Variants in MAML3 observed in about 807,000 individuals in gnomAD.
MAML3 encodes the protein mastermind-like protein 3.
In MAML3, 27 loss-of-function variants were observed where a neutral mutation model predicts 101.9. The observed-to-expected ratio is 0.27, with a 90% CI of 0.20 to 0.37. The LOEUF (loss-of-function observed/expected upper bound fraction) is 0.37, where lower values mean the gene tolerates loss of function less well. Among genes scored for constraint, MAML3 ranks in the 10% least tolerant of loss-of-function variants. The pLI is 1.00. For synonymous variants in MAML3, 501 were observed against 555.9 expected (o/e 0.90, Z 1.39); for missense variants, 1,316 against 1,444.9 (o/e 0.91, Z 1.45).
rs56928318 is a variant in MAML3 at position 139,864,923 on chromosome 4, C to CTTGTTTTTTTTT, written c.2079+24433_2079+24434insAAAAAAAAACAA. The stretch of plus-strand genomic sequence containing the variant: ...TTAGGAAAATAGTAATGCAAACTTG[C>CTTGTTTTTTTTT]TTTTTTTTTTTTTTTTTTTTTTTTT... On this transcript the variant is annotated intron_variant, in intron 2 of 4. Transcript: ENST00000509479. Among the ~76,000 whole-genome samples, 38 of 62,466 alleles carry CTTGTTTTTTTTT rather than the reference C, an allele frequency of 6.1e-4. 12 individuals carry two copies. Among genetic ancestry groups the CTTGTTTTTTTTT allele is most frequent in the African/African-American group, 1.3e-3 (23 of 17,070 alleles). The allele number at this position is 62,466 out of a possible 152,430, so 41.0% of individuals were successfully genotyped here.
intron 1 of MAML3, among the ~76,000 whole-genome samples, chr4:140,075,434 G>A (rs1013271735): frequency 1.3e-5 from 2 of 152,160 alleles, no homozygotes; most frequent in African/African-American, 4.8e-5. Flanking sequence ...CAATTAATGA[G>A]TTCGCTAACC....
In MAML3 at chr4:139,962,033, G is replaced by A. The variant is rs562717736; in HGVS notation, c.469-71066C>T. ...TGAGAGGCTGGAGGCTCAGGTGGGA[G>A]GATTGCTTGAGCCCAGGAGGTCAAG... On this transcript the variant is annotated intron_variant, in intron 1 of 4. Transcript: ENST00000509479. Among the ~76,000 whole-genome samples, 81 of 152,226 alleles carry A rather than the reference G, an allele frequency of 5.3e-4. 1 individual carries two copies. The East Asian group carries it at 0.014, about 27-fold the overall frequency.
chr4:139,796,883 C>A (rs1730520317), intron 2 of MAML3, among the ~76,000 whole-genome samples: 1 of 152,134 alleles, frequency 6.6e-6, no homozygotes, highest in African/African-American at 2.4e-5. Flanking sequence ...AACAAAGACC[C>A]AGTAGTTAGG....
At chr4:140,137,056 T>C (rs1728900773) in intron 1 of MAML3, among the ~76,000 whole-genome samples, 1 of 152,282 alleles carries the variant, frequency 6.6e-6, no homozygotes, top group Admixed American at 6.5e-5. Flanking sequence ...TGGCGCTATC[T>C]CGGCTCACTG....
intron 1 of MAML3, among the ~76,000 whole-genome samples, chr4:140,002,932 G>A (rs1234726762): frequency 6.6e-6 from 1 of 152,218 alleles, no homozygotes; most frequent in East Asian, 1.9e-4. Flanking sequence ...GGCAGGGTCT[G>A]TTGGAACCAT....
At chr4:139,722,079 G>T (rs1445043197) in intron 4 of MAML3, among the ~76,000 whole-genome samples, 1 of 152,116 alleles carries the variant, frequency 6.6e-6, no homozygotes, top group Non-Finnish European at 1.5e-5. Context: ...TGGCCATTTT[G>T]GGGTATATTT....
chr4:140,044,747 G>T (rs752432452), intron 1 of MAML3, among the ~76,000 whole-genome samples: 1 of 152,144 alleles, frequency 6.6e-6, no homozygotes, highest in Non-Finnish European at 1.5e-5. Context: ...GTGAACTGAC[G>T]TCAAACTGTC....
chr4:139,933,624 G>A (rs1249855316), intron 1 of MAML3, among the ~76,000 whole-genome samples: 5 of 152,162 alleles, frequency 3.3e-5, no homozygotes, highest in East Asian at 3.8e-4. Context: ...GGGCGGCTAC[G>A]CTGTTTGGGC....
At chr4:139,922,444 C>T (rs1228571088) in intron 1 of MAML3, among the ~76,000 whole-genome samples, 1 of 130,650 alleles carries the variant, frequency 7.7e-6, no homozygotes, top group African/African-American at 2.6e-5. Context: ...TCAGAGAGAA[C>T]GGTGGGTCCC....
At chr4:140,145,955 C>T (rs565810084) in intron 1 of MAML3, among the ~76,000 whole-genome samples, 33 of 143,856 alleles carry the variant, frequency 2.3e-4, no homozygotes, top group Non-Finnish European at 3.3e-4. Flanking sequence ...CTCACTGCAA[C>T]CTCCACCTCC....
At chr4:139,788,894 A>G (rs1266305696) in intron 2 of MAML3, among the ~76,000 whole-genome samples, 1 of 152,230 alleles carries the variant, frequency 6.6e-6, no homozygotes, top group African/African-American at 2.4e-5. Flanking sequence ...TGGAGCTGCC[A>G]GAGTAGCCCT....
chr4:140,133,391 A>G (rs1240482565), intron 1 of MAML3, among the ~76,000 whole-genome samples: 1 of 152,188 alleles, frequency 6.6e-6, no homozygotes, highest in Admixed American at 6.5e-5. Flanking sequence ...ACTACATAGT[A>G]TATAATTACA....
chr4:140,033,918 G>A (rs896850135), intron 1 of MAML3, among the ~76,000 whole-genome samples: 1 of 152,124 alleles, frequency 6.6e-6, no homozygotes, highest in Non-Finnish European at 1.5e-5. Flanking sequence ...AAAAGAATGT[G>A]CCCACCTTTG....
chr4:139,961,968 T>C (rs1734022648), intron 1 of MAML3, among the ~76,000 whole-genome samples: 1 of 151,848 alleles, frequency 6.6e-6, no homozygotes, highest in African/African-American at 2.4e-5. Context: ...TACAAAAAAT[T>C]AGGTGGGCAT....
chr4:139,996,971 C>T (rs777847669), intron 1 of MAML3, among the ~76,000 whole-genome samples: 3 of 151,780 alleles, frequency 2.0e-5, no homozygotes, highest in Non-Finnish European at 4.4e-5. Flanking sequence ...GCAGGAGAAT[C>T]GCTTGAACCA....
chr4:139,780,134 G>A (rs1323080501), intron 2 of MAML3, among the ~76,000 whole-genome samples: 2 of 152,144 alleles, frequency 1.3e-5, no homozygotes, highest in African/African-American at 2.4e-5. Context: ...TTCTGCAGGC[G>A]TGTCAGCCAC....
rs368146044 is a variant in MAML3, at chr4:139,720,237, T to G, written c.2503A>C (p.Met835Leu). The G allele has an allele frequency of 3.7e-6, 6 of 1,609,858 alleles. No homozygotes were observed. The highest frequency in any genetic ancestry group is 1.1e-5 in the South Asian group (1 of 90,646). ...TSRLMAQNAG[M>L]MGIGPSQNPG... ...TTCTGGGAGGGTCCTATTCCCATCA[T>G]GCCTGCGTTCTGTGCCATCAGCCGT... Residue 835 changes from methionine to leucine, a missense_variant, in exon 5 of 5, where the codon ATG becomes CTG. Met to Leu is a conservative substitution (Grantham distance 15). Transcript: ENST00000509479.
chr4:139,987,822 C>A (rs1734577550), intron 1 of MAML3, among the ~76,000 whole-genome samples: 1 of 151,764 alleles, frequency 6.6e-6, no homozygotes, highest in South Asian at 2.1e-4. Flanking sequence ...GAGTTCGAGA[C>A]CAGCCTAGCC....
At chr4:139,946,585 T>C (rs1362406829) in intron 1 of MAML3, among the ~76,000 whole-genome samples, 1 of 152,176 alleles carries the variant, frequency 6.6e-6, no homozygotes, top group African/African-American at 2.4e-5. Context: ...TTTTTCTAAA[T>C]GCAAGTTTTC....
Sources: gnomAD v4.1 joint callset for allele counts (sites outside exome capture counted in the v4.1 genomes callset) on GRCh38, gnomAD v4.1.1 for gene constraint, MANE v1.5 for transcripts, NCBI Gene and HGNC (gene_info 2026-07-23, HGNC 2026-07-21) for gene names.